The following LINGO2 variants were observed in gnomAD, a reference collection of about 807,000 sequenced individuals.
LINGO2 encodes leucine rich repeat and Ig domain containing 2.
A neutral mutation model predicts 30.6 loss-of-function variants in LINGO2; 14 were observed. The ratio of observed to expected loss-of-function variants is 0.46; its 90% CI spans 0.30 to 0.72. The LOEUF is 0.72. Among genes scored for constraint, LINGO2 ranks in the 30% least tolerant of loss-of-function variants. The pLI is 0.07. For synonymous variants in LINGO2, 317 were observed against 288.5 expected, an observed-to-expected ratio of 1.10 and a Z score of -1.00; for missense variants, 729 against 751.7, an observed-to-expected ratio of 0.97 and a Z score of 0.35.
intron 1 of LINGO2, among the ~76,000 whole-genome samples, chr9:28,549,881 AT>A (rs1412443616): frequency 6.6e-6 from 1 of 151,276 alleles, no homozygotes; most frequent in Non-Finnish European, 1.5e-5. Flanking sequence ...TTTACCCTCC[AT>A]TTTTGATAAT....
chr9:28,511,435 T>C (rs1295529205), intron 1 of LINGO2, among the ~76,000 whole-genome samples: 2 of 152,098 alleles, frequency 1.3e-5, no homozygotes, highest in East Asian at 3.9e-4. Context: ...GGTGAGTACA[T>C]GTTGCTGAAC....
chr9:28,855,551 T>A, the LINGO2 span, among the ~76,000 whole-genome samples: 1 of 152,002 alleles, frequency 6.6e-6, no homozygotes, highest in Non-Finnish European at 1.5e-5. Context: ...ATGTATGCTA[T>A]TCATTTTTAT....
At chr9:28,968,160 G>A in the LINGO2 span, among the ~76,000 whole-genome samples, 1 of 152,130 alleles carries the variant, frequency 6.6e-6, no homozygotes. Context: ...TAACAGATGA[G>A]CCACAGATCA....
rs1293303962 is a variant in LINGO2 at position 28,230,938 on chromosome 9, C to G, written c.-87+64270G>C. ...TGTAGAGTATCAAATCAAATACTGT[C>G]AAAGCAACTTAACTAATGAAATAGT... On this transcript the variant is annotated intron_variant, in intron 4 of 5. Transcript: ENST00000379992. Among the ~76,000 whole-genome samples the G allele has an allele frequency of 2.0e-5, 3 of 151,966 alleles. No individual in the cohort carries two copies. In the East Asian group the frequency reaches 5.8e-4, roughly 29 times the overall value.
chr9:28,966,022 G>A, the LINGO2 span, among the ~76,000 whole-genome samples: 1 of 152,128 alleles, frequency 6.6e-6, no homozygotes, highest in Non-Finnish European at 1.5e-5. Context: ...TCAATCCACA[G>A]ACCTATTGAT....
the LINGO2 span, among the ~76,000 whole-genome samples, chr9:28,690,190 A>T: frequency 6.6e-6 from 1 of 152,158 alleles, no homozygotes; most frequent in African/African-American, 2.4e-5. Context: ...TTACCTATGT[A>T]ACAAACTTGT....
chr9:29,061,141 C>T, the LINGO2 span, among the ~76,000 whole-genome samples: 1 of 151,898 alleles, frequency 6.6e-6, no homozygotes, highest in South Asian at 2.1e-4. Flanking sequence ...ATTGGCACAT[C>T]CAGTATCACT....
the LINGO2 span, among the ~76,000 whole-genome samples, chr9:29,045,008 T>A: frequency 6.6e-6 from 1 of 152,170 alleles, no homozygotes; most frequent in Non-Finnish European, 1.5e-5. Flanking sequence ...ATATTCATCC[T>A]TCTTCTTGTG....
chr9:27,946,771 A>G (rs79029847), downstream of LINGO2, among the ~76,000 whole-genome samples: 23 of 152,280 alleles, frequency 1.5e-4, no homozygotes, highest in East Asian at 4.0e-3. Flanking sequence ...ATTCTAAAAG[A>G]TCTATGATAG....
At chr9:28,943,477 T>A in the LINGO2 span, among the ~76,000 whole-genome samples, 1 of 152,178 alleles carries the variant, frequency 6.6e-6, no homozygotes, top group African/African-American at 2.4e-5. Context: ...CAGGTTTGGA[T>A]GTTGTTATCT....
chr9:28,673,367 T>C (rs1829094642), upstream of LINGO2, among the ~76,000 whole-genome samples: 1 of 152,004 alleles, frequency 6.6e-6, no homozygotes, highest in Non-Finnish European at 1.5e-5. Context: ...ATATTAGTAA[T>C]AGAATAAATA....
At position 28,263,137 on chromosome 9, in the gene LINGO2, C is replaced by T. The variant is rs193026379; in HGVS notation, c.-87+32071G>A. Among the ~76,000 whole-genome samples the T allele has an allele frequency of 8.6e-3, 1,307 of 151,972 alleles. 7 individuals carry two copies. Among genetic ancestry groups the T allele is most frequent in the Non-Finnish European group, 0.012 (809 of 67,896 alleles). On this transcript the variant is annotated intron_variant, in intron 4 of 5. Transcript: ENST00000379992. ...TTTAGTTTCTTGCCACTGTGAGGAC[C>T]GAGACCCATTCCTGGCCAGATGGCC...
At chr9:28,310,744 G>A (rs1824581734) in intron 3 of LINGO2, among the ~76,000 whole-genome samples, 1 of 152,058 alleles carries the variant, frequency 6.6e-6, no homozygotes, top group African/African-American at 2.4e-5. Context: ...GGTAAATAAA[G>A]CTGATTTAAA....
At chr9:29,172,197 T>C in the LINGO2 span, among the ~76,000 whole-genome samples, 10 of 151,910 alleles carry the variant, frequency 6.6e-5, no homozygotes, top group Admixed American at 6.6e-4. Flanking sequence ...GTATTTTTGA[T>C]AGTTATTCAT....
the LINGO2 span, among the ~76,000 whole-genome samples, chr9:28,954,486 T>C: frequency 1.3e-5 from 2 of 152,242 alleles, no homozygotes; most frequent in South Asian, 4.1e-4. Context: ...TTTTTTTTGC[T>C]TGTTTACTTT....
At chr9:28,731,913 A>G in the LINGO2 span, among the ~76,000 whole-genome samples, 1 of 152,212 alleles carries the variant, frequency 6.6e-6, no homozygotes, top group Non-Finnish European at 1.5e-5. Context: ...AGTGATAAAG[A>G]GATAAATATA....
the LINGO2 span, among the ~76,000 whole-genome samples, chr9:29,158,375 A>C: frequency 6.6e-6 from 1 of 151,868 alleles, no homozygotes; most frequent in South Asian, 2.1e-4. Context: ...AAAATAAAAA[A>C]GATTAGGAGA....
intron 4 of LINGO2, among the ~76,000 whole-genome samples, chr9:28,208,754 CAT>C (rs1268338920): frequency 6.6e-6 from 1 of 151,936 alleles, no homozygotes; most frequent in East Asian, 1.9e-4. Flanking sequence ...CCTATGTACT[CAT>C]AGGCATATAA....
At chr9:28,095,537 T>G (rs1826219254) in intron 4 of LINGO2, among the ~76,000 whole-genome samples, 1 of 151,912 alleles carries the variant, frequency 6.6e-6, no homozygotes, top group Non-Finnish European at 1.5e-5. Flanking sequence ...ATCCCTTCCT[T>G]ACACCTTATA....
Sources: gnomAD v4.1 joint callset for allele counts (sites outside exome capture counted in the v4.1 genomes callset) on GRCh38, gnomAD v4.1.1 for gene constraint, MANE v1.5 for transcripts, NCBI Gene and HGNC (gene_info 2026-07-23, HGNC 2026-07-21) for gene names.